The following RFPL1 variants were observed in gnomAD, a reference collection of about 807,000 sequenced individuals.
The protein encoded by RFPL1 is ret finger protein like 1, also known as ret finger protein-like 1.
A neutral mutation model predicts 9.6 loss-of-function variants in RFPL1; 6 were observed. The ratio of observed to expected loss-of-function variants is 0.62; its 90% CI spans 0.34 to 1.23. The LOEUF (loss-of-function observed/expected upper bound fraction) is 1.23. RFPL1 is among the 50% of genes most tolerant of loss of function. The pLI is 0.03. For missense variants in RFPL1, 352 were observed against 398.4 expected, an observed-to-expected ratio of 0.88 and a Z score of 0.99; for synonymous variants, 145 against 149.4, an observed-to-expected ratio of 0.97 and a Z score of 0.22.
At chr22:29,410,415 A>ATATATATATATATTG in the RFPL1 span, among the ~76,000 whole-genome samples, 2 of 83,724 alleles carry the variant, frequency 2.4e-5, no homozygotes, top group African/African-American at 4.9e-5. Context: ...ATCTATATAT[A>ATATATATATATATTG]TAGATATATA....
At chr22:29,410,476 A>C in the RFPL1 span, among the ~76,000 whole-genome samples, 3 of 108,068 alleles carry the variant, frequency 2.8e-5, no homozygotes, top group South Asian at 2.6e-4. Flanking sequence ...ATATATAGAT[A>C]TATATATTGT....
the RFPL1 span, among the ~76,000 whole-genome samples, chr22:29,432,528 C>A: frequency 6.6e-6 from 1 of 152,156 alleles, no homozygotes; most frequent in African/African-American, 2.4e-5. Context: ...GAATTCCGAG[C>A]GTTAGCGTCT....
the RFPL1 span, among the ~76,000 whole-genome samples, chr22:29,398,189 A>C: frequency 6.6e-6 from 1 of 152,212 alleles, no homozygotes; most frequent in Non-Finnish European, 1.5e-5. Context: ...CCTCAGCCTC[A>C]TGAAGATCTC....
chr22:29,413,243 G>A, the RFPL1 span, among the ~76,000 whole-genome samples: 2 of 151,804 alleles, frequency 1.3e-5, no homozygotes, highest in Non-Finnish European at 2.9e-5. Flanking sequence ...CATCAACAGA[G>A]ACCATGCAAT....
At chr22:29,409,068 T>A in the RFPL1 span, among the ~76,000 whole-genome samples, 1 of 148,246 alleles carries the variant, frequency 6.7e-6, no homozygotes, top group Non-Finnish European at 1.5e-5. Flanking sequence ...GTACATATAC[T>A]TTTTTTTTTA....
chr22:29,406,966 T>C, the RFPL1 span, among the ~76,000 whole-genome samples: 1 of 152,188 alleles, frequency 6.6e-6, no homozygotes, highest in East Asian at 1.9e-4. Flanking sequence ...ACTCAGTAAA[T>C]GCTATGTCAT....
At chr22:29,393,217 C>G in the RFPL1 span, among the ~76,000 whole-genome samples, 1 of 152,146 alleles carries the variant, frequency 6.6e-6, no homozygotes, top group African/African-American at 2.4e-5. Context: ...TGTGAAGCGC[C>G]TCTGCATATT....
the RFPL1 span, among the ~76,000 whole-genome samples, chr22:29,425,169 A>C: frequency 8.7e-4 from 126 of 145,498 alleles, no homozygotes; most frequent in Admixed American, 1.4e-3. Flanking sequence ...GCGCCACTGC[A>C]CTCTAGCCTG....
chr22:29,404,560 A>G, the RFPL1 span, among the ~76,000 whole-genome samples: 1 of 152,262 alleles, frequency 6.6e-6, no homozygotes, highest in Admixed American at 6.5e-5. Context: ...TGTAAATTCT[A>G]GACATGGCAT....
the RFPL1 span, among the ~76,000 whole-genome samples, chr22:29,410,542 TATAG>T: frequency 1.6e-5 from 2 of 127,226 alleles, no homozygotes; most frequent in Non-Finnish European, 3.3e-5. Context: ...ATCTACTATA[TATAG>T]AGATATATAT....
At chr22:29,409,065 T>C in the RFPL1 span, among the ~76,000 whole-genome samples, 210 of 152,152 alleles carry the variant, frequency 1.4e-3, no homozygotes, top group Non-Finnish European at 2.3e-3. Context: ...TCTGTACATA[T>C]ACTTTTTTTT....
chr22:29,437,921 G>T, upstream of RFPL1: 22 of 495,580 alleles, frequency 4.4e-5, no homozygotes, highest in South Asian at 1.4e-4. Context: ...CAGTCAATTT[G>T]GTATTCATTT....
At chr22:29,406,107 C>T in the RFPL1 span, among the ~76,000 whole-genome samples, 1 of 73,972 alleles carries the variant, frequency 1.4e-5, no homozygotes, top group Non-Finnish European at 2.5e-5. Context: ...CAGAGCGAGA[C>T]TCCTTCTCAA....
chr22:29,427,550 G>C, the RFPL1 span, among the ~76,000 whole-genome samples: 12 of 152,308 alleles, frequency 7.9e-5, no homozygotes, highest in Non-Finnish European at 1.5e-4. Flanking sequence ...TCCAAGACTA[G>C]AGATGATTCA....
the RFPL1 span, among the ~76,000 whole-genome samples, chr22:29,392,728 G>C: frequency 6.6e-6 from 1 of 152,176 alleles, no homozygotes; most frequent in African/African-American, 2.4e-5. Flanking sequence ...GAATGTTTAT[G>C]GAACATGTAG....
At position 29,442,093 on chromosome 22, in the gene RFPL1, G is replaced by A. The variant is rs2062843708; in HGVS notation, c.925G>A (p.Ala309Thr). The change falls in exon 2 of 2, where the codon GCT (alanine) becomes ACT (threonine). Residue 309 changes from alanine to threonine, a missense_variant. Coordinates refer to ENST00000354373, the Ensembl canonical transcript of RFPL1. ...TGTGATAAACCCGGGCACTACTGAT[G>A]CTCCAGTCCATCCTGGGGAGGCCAA... 1.3e-6 allele frequency: 2 copies of A among 1,586,484 alleles called. No homozygotes were observed. The highest frequency in any genetic ancestry group is 8.6e-7 in the Non-Finnish European group (1 of 1,163,008).
the RFPL1 span, among the ~76,000 whole-genome samples, chr22:29,410,356 A>AT: frequency 0.11 from 7,819 of 70,140 alleles, 1,329 homozygotes; most frequent in African/African-American, 0.25. Flanking sequence ...ATAGATATAT[A>AT]TGTAGATATA....
At chr22:29,431,138 T>C in the RFPL1 span, among the ~76,000 whole-genome samples, 1 of 152,106 alleles carries the variant, frequency 6.6e-6, no homozygotes, top group Non-Finnish European at 1.5e-5. Context: ...TGGAAGCTAC[T>C]GGAGGCCAGG....
chr22:29,410,556 T>C, the RFPL1 span, among the ~76,000 whole-genome samples: 1 of 114,860 alleles, frequency 8.7e-6, no homozygotes, highest in Non-Finnish European at 1.9e-5. Context: ...GAGATATATA[T>C]TGTAGATATA....
Sources: gnomAD v4.1 joint callset for allele counts (sites outside exome capture counted in the v4.1 genomes callset) on GRCh38, gnomAD v4.1.1 for gene constraint, MANE v1.5 for transcripts, NCBI Gene and HGNC (gene_info 2026-07-23, HGNC 2026-07-21) for gene names.